Variants in ST6GAL1 observed in about 807,000 individuals in gnomAD.
ST6GAL1 encodes the protein ST6 beta-galactoside alpha-2,6-sialyltransferase 1, also known as beta-galactoside alpha-2,6-sialyltransferase 1.
ST6GAL1 carries 20 observed loss-of-function variants against 38.0 expected under a neutral mutation model. The ratio of observed to expected loss-of-function variants is 0.53; its 90% CI spans 0.37 to 0.77. The LOEUF is 0.77. ST6GAL1 is among the 30% of genes least tolerant of loss of function. The probability of loss-of-function intolerance (pLI) is 0.00; values close to 1 mark genes in which losing one functional copy is unlikely to be tolerated. For missense variants in ST6GAL1, 432 were observed against 496.4 expected (o/e 0.87, Z 1.23); for synonymous variants, 196 against 188.2 (o/e 1.04, Z -0.34).
chr3:187,058,883 C>T (rs1718813185), intron 5 of ST6GAL1, among the ~76,000 whole-genome samples: 1 of 152,106 alleles, frequency 6.6e-6, no homozygotes, highest in Admixed American at 6.5e-5. Context: ...CTCAAGTAAC[C>T]ACCCACCTTG....
chr3:186,962,184 G>A (rs1035200357), intron 1 of ST6GAL1, among the ~76,000 whole-genome samples: 22 of 152,164 alleles, frequency 1.4e-4, no homozygotes, highest in Non-Finnish European at 5.9e-5. Flanking sequence ...GCTCACTTCA[G>A]CTTCAGTTCT....
intron 6 of ST6GAL1, chr3:187,073,943 C>T (rs184105543): frequency 7.6e-6 from 3 of 397,244 alleles, no homozygotes; most frequent in Non-Finnish European, 4.4e-6. Flanking sequence ...AACTCTCCCC[C>T]AAAGCACAGG....
At chr3:187,034,745 G>A (rs901483096) in intron 2 of ST6GAL1, among the ~76,000 whole-genome samples, 1 of 152,010 alleles carries the variant, frequency 6.6e-6, no homozygotes, top group African/African-American at 2.4e-5. Context: ...GGCATCAAAG[G>A]CACATACCTC....
chr3:186,973,928 C>T (rs1043833801), intron 2 of ST6GAL1, among the ~76,000 whole-genome samples: 7 of 152,202 alleles, frequency 4.6e-5, no homozygotes, highest in African/African-American at 1.7e-4. Flanking sequence ...GGCGCTTGAC[C>T]TCCTGTAGCA....
intron 2 of ST6GAL1, among the ~76,000 whole-genome samples, chr3:187,004,571 A>C (rs1055524653): frequency 6.6e-5 from 10 of 152,222 alleles, no homozygotes; most frequent in South Asian, 4.1e-4. Flanking sequence ...AGGTAGCAAT[A>C]TGTAATACAC....
At chr3:186,992,629 A>G (rs1041154923) in intron 2 of ST6GAL1, among the ~76,000 whole-genome samples, 2 of 152,138 alleles carry the variant, frequency 1.3e-5, no homozygotes, top group African/African-American at 4.8e-5. Flanking sequence ...CCCCGTCTCT[A>G]CTAAAAATAC....
At chr3:187,063,669 TGATGA>T (rs1718998548) in intron 5 of ST6GAL1, among the ~76,000 whole-genome samples, 3 of 152,182 alleles carry the variant, frequency 2.0e-5, no homozygotes, top group Non-Finnish European at 4.4e-5. Flanking sequence ...CACTTCTTCG[TGATGA>T]TTCAGTCTTC....
At chr3:187,002,159 A>G (rs1716642239) in intron 2 of ST6GAL1, among the ~76,000 whole-genome samples, 1 of 152,118 alleles carries the variant, frequency 6.6e-6, no homozygotes, top group African/African-American at 2.4e-5. Flanking sequence ...GCAAATCAAC[A>G]TTTTCGTGTG....
chr3:187,034,874 T>C (rs1212522327), intron 2 of ST6GAL1, among the ~76,000 whole-genome samples: 1 of 152,200 alleles, frequency 6.6e-6, no homozygotes, highest in Non-Finnish European at 1.5e-5. Context: ...TCACCACTTC[T>C]ATTCAACATA....
chr3:187,072,897 G>A lies in ST6GAL1; in HGVS notation c.754G>A (p.Gly252Arg). Reference sequence around the variant, plus strand: ...CCTCAAAGACAGTTTGTACAATGAAGGAATCCTAATTGTATGGGACCCATC... The same window carrying A: ...CCTCAAAGACAGTTTGTACAATGAAAGAATCCTAATTGTATGGGACCCATC... ...RFLKDSLYNEGILIVWDPSVY... is the reference protein window; with the variant it reads ...RFLKDSLYNERILIVWDPSVY... Residue 252 changes from glycine (G) to arginine (R), a missense_variant, in exon 6 of 8, where the codon GGA becomes AGA. Coordinates refer to ENST00000169298, the MANE Select transcript of ST6GAL1 (RefSeq NM_173216.2). The A allele has an allele frequency of 6.2e-7, 1 of 1,613,964 alleles. No homozygotes were observed. The highest frequency in any genetic ancestry group is 2.2e-5 in the East Asian group (1 of 44,882).
At chr3:186,960,811 TGCCAACCCTAGTG>T (rs1714909013) in intron 1 of ST6GAL1, among the ~76,000 whole-genome samples, 1 of 151,796 alleles carries the variant, frequency 6.6e-6, no homozygotes, top group Non-Finnish European at 1.5e-5. Flanking sequence ...AGATGGTACC[TGCCAACCCTAGTG>T]GCCCGCGGCC....
chr3:187,069,685 G>A (rs867464002), intron 5 of ST6GAL1, among the ~76,000 whole-genome samples: 2 of 151,944 alleles, frequency 1.3e-5, no homozygotes, highest in Non-Finnish European at 1.5e-5. Context: ...CCCTTTCCTG[G>A]TCCCCATAAC....
chr3:186,969,562 A>G lies in ST6GAL1; in HGVS notation c.-183+5636A>G, dbSNP rs370710518. ...ATTGAGTTGTAAGGTTTCCTTATAT[A>G]TTCTACAGATAAGTCCTTTATTGGA... On this transcript the variant is annotated intron_variant, in intron 2 of 7. Transcript: ENST00000169298. Among the ~76,000 whole-genome samples, 13 of 152,198 alleles carry G rather than the reference A, an allele frequency of 8.5e-5. No homozygotes were observed. The East Asian group carries it at 9.6e-4, about 11-fold the overall frequency.
chr3:187,013,891 A>G (rs943435232), intron 2 of ST6GAL1, among the ~76,000 whole-genome samples: 5 of 152,134 alleles, frequency 3.3e-5, no homozygotes, highest in Non-Finnish European at 5.9e-5. Flanking sequence ...GGCCGCAAAT[A>G]CTGGTTTTGT....
intron 1 of ST6GAL1, among the ~76,000 whole-genome samples, chr3:186,933,015 AC>A (rs1713814526): frequency 6.6e-6 from 1 of 151,848 alleles, no homozygotes; most frequent in Admixed American, 6.6e-5. Context: ...ACCCGGTGAA[AC>A]CCCCACCTCC....
intron 5 of ST6GAL1, among the ~76,000 whole-genome samples, chr3:187,058,107 C>T (rs1042528663): frequency 6.6e-6 from 1 of 152,224 alleles, no homozygotes; most frequent in African/African-American, 2.4e-5. Context: ...GAGCCAGGCA[C>T]AGGATATAAT....
intron 1 of ST6GAL1, among the ~76,000 whole-genome samples, chr3:186,951,357 G>A (rs1388615511): frequency 6.6e-6 from 1 of 152,110 alleles, no homozygotes; most frequent in Non-Finnish European, 1.5e-5. Flanking sequence ...GCGCCAGGCC[G>A]TAATTCTTGG....
chr3:186,973,305 G>C (rs1715412134), intron 2 of ST6GAL1, among the ~76,000 whole-genome samples: 1 of 152,178 alleles, frequency 6.6e-6, no homozygotes. Flanking sequence ...CAAACTGCTG[G>C]GATTACAGGC....
Position 186,963,936 on chromosome 3 carries a change from C to A in ST6GAL1, c.-183+10C>A. The A allele has an allele frequency of 6.6e-6, 1 of 152,492 alleles. No homozygotes were observed. The allele number at this position is 152,492 out of a possible 1,614,324, so 9.4% of individuals were successfully genotyped here. A position where few individuals can be genotyped will look rare whatever the true frequency, so the allele number is the denominator to read the frequency against. On this transcript the variant is annotated intron_variant, in intron 2 of 7. Transcript: ENST00000169298. ...CCATCCCCGTGCTGAGGTAAGACCC[C>A]CTGAAGCCCAGCCTGAGGAAGAGAG...
Sources: gnomAD v4.1 joint callset for allele counts (sites outside exome capture counted in the v4.1 genomes callset) on GRCh38, gnomAD v4.1.1 for gene constraint, MANE v1.5 for transcripts, NCBI Gene and HGNC (gene_info 2026-07-23, HGNC 2026-07-21) for gene names.